KIF18A: variants seen among roughly 807,000 people sequenced by gnomAD.
KIF18A encodes the protein kinesin-like protein KIF18A.
KIF18A carries 67 observed loss-of-function variants against 103.3 expected under a neutral mutation model. That is an observed-to-expected ratio of 0.65 (90% CI 0.53 to 0.79). The LOEUF (loss-of-function observed/expected upper bound fraction) is 0.79. KIF18A is among the 30% of genes least tolerant of loss of function. The pLI, the probability that KIF18A is intolerant of heterozygous loss-of-function variation, is 0.00. For missense variants in KIF18A, 1,032 were observed against 1,062.5 expected, an observed-to-expected ratio of 0.97 and a Z score of 0.40; for synonymous variants, 367 against 355.5, an observed-to-expected ratio of 1.03 and a Z score of -0.36.
At chr11:28,057,398 C>G (rs987656332) in intron 13 of KIF18A, among the ~76,000 whole-genome samples, 2 of 152,004 alleles carry the variant, frequency 1.3e-5, no homozygotes, top group Non-Finnish European at 2.9e-5. Flanking sequence ...ACCTGTAGTC[C>G]CAGCTTCTTT....
intron 6 of KIF18A, among the ~76,000 whole-genome samples, chr11:28,085,468 AG>A (rs1419446057): frequency 2.0e-5 from 3 of 152,114 alleles, no homozygotes; most frequent in Non-Finnish European, 4.4e-5. Context: ...AGACAGCAAC[AG>A]AAGAAATAGT....
chr11:28,035,221 C>G (rs1850469072), intron 15 of KIF18A, among the ~76,000 whole-genome samples, 166 bp downstream of exon 15: 1 of 151,276 alleles, frequency 6.6e-6, no homozygotes, highest in East Asian at 1.9e-4. Flanking sequence ...TTCAAGATCT[C>G]CCTTTGATAA....
At position 28,069,410 on chromosome 11, in the gene KIF18A, C is replaced by A; in HGVS notation, c.1439G>T (p.Arg480Leu). 6.2e-7 allele frequency: 1 copy of A among 1,612,774 alleles called. No homozygotes were observed. Among genetic ancestry groups the A allele is most frequent in the South Asian group, 1.1e-5 (1 of 90,828 alleles). ...EDKVEKATGK[R>L]DHRLAMLKTR... is the part of the protein sequence containing the mutation. Reference sequence around the variant, plus strand: ...TTTCAACATTGCAAGTCTATGATCTCGTTTTCCAGTGGCCTGAAACACGAT... The same window carrying A: ...TTTCAACATTGCAAGTCTATGATCTAGTTTTCCAGTGGCCTGAAACACGAT... Residue 480 changes from arginine (R) to leucine (L), a missense_variant, in exon 11 of 17, where the codon CGA becomes CTA. Arg to Leu is a moderately radical substitution (Grantham distance 102). Transcript: ENST00000263181.
At chr11:28,098,304 C>A (rs550908352) in intron 1 of KIF18A, among the ~76,000 whole-genome samples, 12 of 152,278 alleles carry the variant, frequency 7.9e-5, no homozygotes, top group Non-Finnish European at 1.6e-4. Flanking sequence ...AATACTATAG[C>A]TGAACCATAT....
chr11:28,022,583 T>G (rs1850261508), intron 16 of KIF18A, among the ~76,000 whole-genome samples: 1 of 152,186 alleles, frequency 6.6e-6, no homozygotes, highest in Non-Finnish European at 1.5e-5. Context: ...AGAGTTTTTA[T>G]AAATTTATTA....
chr11:28,050,726 T>TAA (rs1394355242), intron 13 of KIF18A, among the ~76,000 whole-genome samples: 1 of 151,820 alleles, frequency 6.6e-6, no homozygotes, highest in Non-Finnish European at 1.5e-5. Flanking sequence ...GTTCCATAAA[T>TAA]AAATTTTGCT....
intron 13 of KIF18A, among the ~76,000 whole-genome samples, chr11:28,043,007 T>C (rs1161167208): frequency 2.0e-5 from 3 of 151,858 alleles, no homozygotes; most frequent in African/African-American, 7.3e-5. Context: ...CACTGGCAGA[T>C]ATCAGTAAAG....
At chr11:28,032,963 A>G (rs114882997) in intron 15 of KIF18A, among the ~76,000 whole-genome samples, 3,872 of 151,968 alleles carry the variant, frequency 0.025, 170 homozygotes, top group African/African-American at 0.088. Context: ...CAAACTATCT[A>G]TCTGACAAGG....
intron 10 of KIF18A, among the ~76,000 whole-genome samples, chr11:28,076,198 T>C (rs1353829906): frequency 6.6e-6 from 1 of 152,110 alleles, no homozygotes; most frequent in Non-Finnish European, 1.5e-5. Flanking sequence ...GGGCAGTATA[T>C]TATTGTATTA....
At chr11:28,102,121 T>C (rs778959111) in intron 1 of KIF18A, among the ~76,000 whole-genome samples, 27 of 152,190 alleles carry the variant, frequency 1.8e-4, no homozygotes, top group Non-Finnish European at 3.4e-4. Flanking sequence ...CTTCCCTCTT[T>C]GTTTTCCTCT....
chr11:28,100,808 A>T (rs1851436142), intron 1 of KIF18A, among the ~76,000 whole-genome samples: 1 of 152,136 alleles, frequency 6.6e-6, no homozygotes, highest in Non-Finnish European at 1.5e-5. Flanking sequence ...ATTCTAAGTC[A>T]GGTCCCAGGT....
In KIF18A at chr11:28,094,621, TTAATC is replaced by T. The variant is rs768610784; in HGVS notation, c.483+17_483+21del. ...GTCAATGATTTCCCAAAACTATTGATTAATCTAAATTCCCAACTTACCTCCAGATA... is the reference window on the plus strand; with the variant it reads ...GTCAATGATTTCCCAAAACTATTGATTAAATTCCCAACTTACCTCCAGATA... On this transcript the variant is annotated intron_variant, in intron 3 of 16. Coordinates refer to ENST00000263181, the MANE Select transcript of KIF18A (RefSeq NM_031217.4). 2.5e-4 allele frequency: 381 copies of T among 1,553,136 alleles called. 1 individual carries two copies. In the Middle Eastern group the frequency reaches 4.6e-3, roughly 19 times the overall value.
intron 13 of KIF18A, among the ~76,000 whole-genome samples, chr11:28,054,958 A>C (rs1164101214): frequency 6.6e-6 from 1 of 152,224 alleles, no homozygotes; most frequent in Non-Finnish European, 1.5e-5. Flanking sequence ...TAAATAAGGA[A>C]TAATGAGCAT....
rs1358875413 is a variant in KIF18A, at chr11:28,088,684, T to C, written c.737A>G (p.Asn246Ser). The C allele has an allele frequency of 2.5e-6, 4 of 1,614,050 alleles. No homozygotes were observed. The highest frequency in any genetic ancestry group is 1.1e-5 in the South Asian group (1 of 91,086). ...LRQQDKTASI[N>S]QNVRIAKMSL... ...CATCTTGGCAATACGGACATTTTGATTGATACTTGCTGTTTTGTCTTGTTG... is the reference window on the plus strand; with the variant it reads ...CATCTTGGCAATACGGACATTTTGACTGATACTTGCTGTTTTGTCTTGTTG... The change falls in exon 6 of 17, where the codon AAT becomes AGT. Residue 246 changes from asparagine (N) to serine (S), a missense_variant. Physicochemically the swap from Asn to Ser is conservative, Grantham distance 46. Transcript: ENST00000263181.
At chr11:28,083,926 A>G (rs1359900313) in intron 7 of KIF18A, among the ~76,000 whole-genome samples, 1 of 152,128 alleles carries the variant, frequency 6.6e-6, no homozygotes, top group Non-Finnish European at 1.5e-5. Flanking sequence ...ACACTTAAGG[A>G]GAGTGGCAGA....
chr11:28,022,575 A>T (rs1850261395), intron 16 of KIF18A, among the ~76,000 whole-genome samples: 1 of 152,094 alleles, frequency 6.6e-6, no homozygotes, highest in East Asian at 1.9e-4. Flanking sequence ...CCAATTTGAG[A>T]GTTTTTATAA....
chr11:28,023,202 C>T lies in KIF18A; in HGVS notation c.2614+539G>A, dbSNP rs186667365. ...CATAAACTCATGTCACTCCCATATG[C>T]GGTTGATGGAATGTAGTATCTTTCA... On this transcript the variant is annotated intron_variant, in intron 16 of 16. Coordinates refer to ENST00000263181, the MANE Select transcript of KIF18A (RefSeq NM_031217.4). 7.9e-5 allele frequency among the ~76,000 whole-genome samples: 12 copies of T among 152,168 alleles called. No individual in the cohort carries two copies. The East Asian group carries it at 1.9e-3, about 25-fold the overall frequency.
At chr11:28,030,758 G>C (rs1298538130) in intron 15 of KIF18A, among the ~76,000 whole-genome samples, 3 of 148,856 alleles carry the variant, frequency 2.0e-5, no homozygotes, top group Non-Finnish European at 4.5e-5. Flanking sequence ...TACAGAATGG[G>C]AGAAAATTTT....
chr11:28,082,789 C>T (rs1851181623), intron 9 of KIF18A, 67 bp downstream of exon 9: 1 of 936,884 alleles, frequency 1.1e-6, no homozygotes, highest in South Asian at 1.6e-5. Context: ...TGATAATTAA[C>T]ATAAAATACT....
Sources: gnomAD v4.1 joint callset for allele counts (sites outside exome capture counted in the v4.1 genomes callset) on GRCh38, gnomAD v4.1.1 for gene constraint, MANE v1.5 for transcripts, NCBI Gene and HGNC (gene_info 2026-07-23, HGNC 2026-07-21) for gene names.